GRIN2B: variants seen among roughly 807,000 people sequenced by gnomAD.
GRIN2B encodes glutamate receptor ionotropic, NMDA 2B.
In GRIN2B, 5 loss-of-function variants were observed where a neutral mutation model predicts 114.5. That is an observed-to-expected ratio of 0.04 (90% CI 0.02 to 0.09). The LOEUF is 0.09. Among genes scored for constraint, GRIN2B ranks in the 10% least tolerant of loss-of-function variants. GRIN2B has a pLI of 1.00. For missense variants in GRIN2B, 1,108 were observed against 1,943.5 expected, an observed-to-expected ratio of 0.57 and a Z score of 8.08; for synonymous variants, 787 against 745.1, an observed-to-expected ratio of 1.06 and a Z score of -0.92.
chr12:13,596,158 T>G (rs1053612223), intron 10 of GRIN2B, among the ~76,000 whole-genome samples: 6 of 152,142 alleles, frequency 3.9e-5, no homozygotes, highest in African/African-American at 7.2e-5. Flanking sequence ...CAGACATCAT[T>G]AGAAATCACA....
intron 2 of GRIN2B, among the ~76,000 whole-genome samples, chr12:13,977,676 A>T (rs981981777): frequency 3.3e-5 from 5 of 152,082 alleles, no homozygotes; most frequent in South Asian, 2.1e-4. Flanking sequence ...AGGGGGAAAA[A>T]GGGGGCGAGA....
At chr12:13,760,063 C>T (rs1037916856) in intron 3 of GRIN2B, among the ~76,000 whole-genome samples, 17 of 152,222 alleles carry the variant, frequency 1.1e-4, no homozygotes, top group East Asian at 1.9e-4. Flanking sequence ...CTGACCACAA[C>T]ACGGAATGCT....
At chr12:13,822,946 C>A (rs958339713) in intron 3 of GRIN2B, among the ~76,000 whole-genome samples, 1 of 151,998 alleles carries the variant, frequency 6.6e-6, no homozygotes. Context: ...GAAAAGCCTT[C>A]TTTTTCCATT....
intron 5 of GRIN2B, among the ~76,000 whole-genome samples, chr12:13,649,814 G>A (rs1949797807): frequency 6.6e-6 from 1 of 151,980 alleles, no homozygotes; most frequent in Non-Finnish European, 1.5e-5. Flanking sequence ...CTGGCCCCCT[G>A]GTTTTCTCAT....
chr12:13,636,719 A>AGGCTGT (rs566047263), intron 5 of GRIN2B, among the ~76,000 whole-genome samples: 311 of 152,316 alleles, frequency 2.0e-3, no homozygotes, highest in Non-Finnish European at 3.5e-3. Flanking sequence ...AACAGTGATT[A>AGGCTGT]GGCTGTGGCC....
intron 5 of GRIN2B, among the ~76,000 whole-genome samples, chr12:13,621,607 GTTTTTGT>G (rs1376464157): frequency 1.4e-4 from 4 of 27,692 alleles, no homozygotes; most frequent in South Asian, 1.2e-3. Context: ...AAATTGCCTA[GTTTTTGT>G]TTTTTTTTTT....
At chr12:13,584,960 A>G (rs1948899821) in intron 10 of GRIN2B, among the ~76,000 whole-genome samples, 1 of 152,168 alleles carries the variant, frequency 6.6e-6, no homozygotes, top group African/African-American at 2.4e-5. Flanking sequence ...GGTACAAGGG[A>G]TTGTTCCAGA....
At chr12:13,780,619 ATCCAG>A (rs1864091712) in intron 3 of GRIN2B, among the ~76,000 whole-genome samples, 1 of 152,224 alleles carries the variant, frequency 6.6e-6, no homozygotes, top group Admixed American at 6.5e-5. Context: ...AATGTAAAGA[ATCCAG>A]TCTTATCAAG....
chr12:13,565,205 G>A (rs539144609), intron 13 of GRIN2B, among the ~76,000 whole-genome samples: 1 of 152,300 alleles, frequency 6.6e-6, no homozygotes, highest in South Asian at 2.1e-4. Context: ...TAACAGCTGA[G>A]CAATTCTCTT....
intron 2 of GRIN2B, among the ~76,000 whole-genome samples, chr12:13,968,122 C>A (rs1867817921): frequency 6.6e-6 from 1 of 152,220 alleles, no homozygotes; most frequent in Non-Finnish European, 1.5e-5. Context: ...CTGCAGGTCA[C>A]AATGTCTAGG....
chr12:13,655,839 A>G (rs187071701), intron 5 of GRIN2B, among the ~76,000 whole-genome samples: 78 of 152,350 alleles, frequency 5.1e-4, no homozygotes, highest in Non-Finnish European at 1.0e-3. Context: ...TTATCTGTCA[A>G]TCAGGGCTCC....
chr12:13,645,617 G>A (rs1949753940), intron 5 of GRIN2B, among the ~76,000 whole-genome samples: 1 of 151,866 alleles, frequency 6.6e-6, no homozygotes, highest in African/African-American at 2.4e-5. Context: ...AAAACCAGGT[G>A]TGCCTGTGCT....
intron 5 of GRIN2B, among the ~76,000 whole-genome samples, chr12:13,641,176 A>G (rs1432834542): frequency 6.6e-6 from 1 of 151,996 alleles, no homozygotes; most frequent in Admixed American, 6.6e-5. Flanking sequence ...GGTTCAAGTA[A>G]TTCTCTTGCC....
In GRIN2B at chr12:13,548,199, G is replaced by A. The variant is rs1291099034; in HGVS notation, c.*14584C>T. The A allele has an allele frequency of 1.3e-5, 2 of 151,506 alleles. No individual in the cohort carries two copies. The highest frequency in any genetic ancestry group is 4.8e-5 in the African/African-American group (2 of 41,244). The allele number at this position is 151,506 out of a possible 1,614,324, so 9.4% of individuals were successfully genotyped here. On this transcript the variant is annotated 3_prime_UTR_variant, in exon 14 of 14. Coordinates refer to ENST00000609686, the MANE Select transcript of GRIN2B (RefSeq NM_000834.5). The stretch of plus-strand genomic sequence containing the variant: ...CTCTAAAATTGAGCTTATCTTCTCT[G>A]TCTTTCATAGGATAGCTAAGCACCC...
chr12:13,768,196 G>C (rs1863836032), intron 3 of GRIN2B, among the ~76,000 whole-genome samples: 1 of 152,148 alleles, frequency 6.6e-6, no homozygotes, highest in African/African-American at 2.4e-5. Flanking sequence ...TACCTGCCCT[G>C]GTTCACAGCT....
chr12:13,657,374 G>A (rs1192759310), intron 5 of GRIN2B, among the ~76,000 whole-genome samples: 2 of 152,154 alleles, frequency 1.3e-5, no homozygotes, highest in East Asian at 3.8e-4. Context: ...CTATTATTAA[G>A]CATGTTTAAA....
chr12:13,879,282 A>G (rs964660582), intron 2 of GRIN2B, among the ~76,000 whole-genome samples: 15 of 152,138 alleles, frequency 9.9e-5, no homozygotes, highest in Admixed American at 2.6e-4. Context: ...ACAGCATGTT[A>G]CTGTACTGGA....
At chr12:13,733,751 G>A (rs1331388729) in intron 4 of GRIN2B, among the ~76,000 whole-genome samples, 1 of 152,052 alleles carries the variant, frequency 6.6e-6, no homozygotes, top group Non-Finnish European at 1.5e-5. Context: ...TTGATCACAG[G>A]GTTGGAAAGA....
At chr12:13,971,102 A>T (rs752853957) in intron 2 of GRIN2B, among the ~76,000 whole-genome samples, 10 of 152,198 alleles carry the variant, frequency 6.6e-5, no homozygotes, top group Non-Finnish European at 1.3e-4. Flanking sequence ...GTGTGGGGCC[A>T]GCCAGTAGAT....
Sources: allele counts gnomAD v4.1 joint callset (sites outside exome capture counted in the v4.1 genomes callset), GRCh38; gene constraint gnomAD v4.1.1; transcripts MANE v1.5; gene names NCBI Gene and HGNC (gene_info 2026-07-23, HGNC 2026-07-21).